Variants in CPD observed in about 807,000 individuals in gnomAD.
The protein encoded by CPD is metallocarboxypeptidase D.
CPD carries 69 observed loss-of-function variants against 138.3 expected under a neutral mutation model. The observed-to-expected ratio is 0.50, with a 90% confidence interval of 0.41 to 0.61. The LOEUF (loss-of-function observed/expected upper bound fraction) is 0.61. Among genes scored for constraint, CPD ranks in the 20% least tolerant of loss-of-function variants. CPD has a pLI of 0.00. For missense variants in CPD, 1,432 were observed against 1,733.3 expected (o/e 0.83, Z 3.09); for synonymous variants, 651 against 642.1 (o/e 1.01, Z -0.21).
At chr17:30,423,051 T>G in intron 5 of CPD, 28 bp downstream of exon 5, 1 of 1,508,250 alleles carries the variant, frequency 6.6e-7, no homozygotes. Flanking sequence ...ACACATAATT[T>G]CAGTAGTGCC....
intron 2 of CPD, among the ~76,000 whole-genome samples, chr17:30,401,194 TTGCTGC>T (rs541279857): frequency 6.6e-6 from 1 of 151,720 alleles, no homozygotes; most frequent in African/African-American, 2.4e-5. Flanking sequence ...GACTATTTTA[TTGCTGC>T]TGCTGCTGCT....
chr17:30,387,200 C>T (rs1242972209), intron 2 of CPD, among the ~76,000 whole-genome samples: 1 of 152,168 alleles, frequency 6.6e-6, no homozygotes, highest in Non-Finnish European at 1.5e-5. Flanking sequence ...TCACTGTAAC[C>T]TCCGCCTCCT....
intron 19 of CPD, 64 bp from the exon 20 acceptor site, chr17:30,462,306 T>C: frequency 7.6e-7 from 1 of 1,320,806 alleles, no homozygotes; most frequent in Non-Finnish European, 1.1e-6. Flanking sequence ...GGCCTAATAA[T>C]ATAGCAGGGA....
chr17:30,458,660 A>G (rs900323955), intron 17 of CPD, among the ~76,000 whole-genome samples: 26 of 152,058 alleles, frequency 1.7e-4, no homozygotes, highest in Non-Finnish European at 4.4e-5. Context: ...TGATGTCAGG[A>G]GTTCAAGACC....
At chr17:30,456,606 C>G in intron 17 of CPD, 80 bp downstream of exon 17, 1 of 1,396,698 alleles carries the variant, frequency 7.2e-7, no homozygotes, top group Non-Finnish European at 1.0e-6. Flanking sequence ...CTTTGGGAGG[C>G]CAAGGCAGGT....
chr17:30,450,680 G>A (rs1302888960), intron 13 of CPD, among the ~76,000 whole-genome samples: 2 of 152,146 alleles, frequency 1.3e-5, no homozygotes, highest in East Asian at 3.9e-4. Context: ...GCAGCAGAGT[G>A]ATACCTTGTC....
chr17:30,444,447 T>G (rs997968788), intron 11 of CPD, among the ~76,000 whole-genome samples: 5 of 152,026 alleles, frequency 3.3e-5, no homozygotes, highest in African/African-American at 1.2e-4. Flanking sequence ...GAAAGAACAT[T>G]TCTCGTTCTT....
At chr17:30,412,307 G>A (rs1911988218) in intron 2 of CPD, among the ~76,000 whole-genome samples, 1 of 152,206 alleles carries the variant, frequency 6.6e-6, no homozygotes, top group Non-Finnish European at 1.5e-5. Flanking sequence ...ACTGGGAGGT[G>A]TCTCCCAGTC....
At chr17:30,385,269 C>T (rs766232743) in intron 2 of CPD, 33 bp downstream of exon 2, 1 of 1,607,604 alleles carries the variant, frequency 6.2e-7, no homozygotes, top group Admixed American at 1.7e-5. Flanking sequence ...TACATTTTCC[C>T]CCTTGTTCGT....
intron 12 of CPD, among the ~76,000 whole-genome samples, chr17:30,447,194 T>C (rs1230112427): frequency 6.6e-6 from 1 of 152,246 alleles, no homozygotes; most frequent in Non-Finnish European, 1.5e-5. Context: ...ATCCCATTTG[T>C]CAATTTTGGC....
At chr17:30,432,146 G>A (rs937579557) in intron 8 of CPD, among the ~76,000 whole-genome samples, 2 of 152,120 alleles carry the variant, frequency 1.3e-5, no homozygotes, top group South Asian at 4.1e-4. Flanking sequence ...TGACAAATAA[G>A]TTATAAGCCC....
intron 2 of CPD, among the ~76,000 whole-genome samples, chr17:30,386,559 A>AT (rs1011594258): frequency 2.0e-5 from 3 of 152,148 alleles, no homozygotes; most frequent in Non-Finnish European, 2.9e-5. Flanking sequence ...CTTGTTCATC[A>AT]TCCCAAACAG....
chr17:30,400,733 C>A (rs993543506), intron 2 of CPD, among the ~76,000 whole-genome samples: 7 of 139,780 alleles, frequency 5.0e-5, no homozygotes, highest in African/African-American at 1.9e-4. Flanking sequence ...TCTCAGCTCA[C>A]CGCAAGCTTT....
rs376551142 is a variant in CPD at position 30,415,255 on chromosome 17, C to T, written c.995-5586C>T. ...CATTATCTTCTAATACATCTCCATGCTTCCCCATTTGTCCCCCTACAGTCA... is the reference window on the plus strand; with the variant it reads ...CATTATCTTCTAATACATCTCCATGTTTCCCCATTTGTCCCCCTACAGTCA... On this transcript the variant is annotated intron_variant, in intron 2 of 20. Coordinates refer to ENST00000225719, the MANE Select transcript of CPD (RefSeq NM_001304.5). Among the ~76,000 whole-genome samples, 75 of 152,308 alleles carry T rather than the reference C, an allele frequency of 4.9e-4. 1 individual carries two copies. The highest frequency in any genetic ancestry group is 1.6e-3 in the African/African-American group (67 of 41,570).
chr17:30,430,013 A>G (rs1912519640), intron 7 of CPD, among the ~76,000 whole-genome samples: 1 of 152,172 alleles, frequency 6.6e-6, no homozygotes, highest in Non-Finnish European at 1.5e-5. Context: ...AATAATTAAC[A>G]TGCTAAAGAG....
chr17:30,423,828 T>G, intron 6 of CPD, 131 bp downstream of exon 6: 1 of 652,386 alleles, frequency 1.5e-6, no homozygotes, highest in African/African-American at 1.9e-5. Context: ...ATGATTGATT[T>G]TAGCTCTTGT....
Position 30,416,128 on chromosome 17 carries a change from T to C in CPD, c.995-4713T>C, listed in dbSNP as rs368231913. 1.3e-3 allele frequency among the ~76,000 whole-genome samples: 191 copies of C among 152,102 alleles called. 6 individuals carry two copies. In the South Asian group the frequency reaches 0.038, roughly 30 times the overall value. ...CGGGCGGATCACCTGAGGTCAGGAGTTCGAGACCAGCCTCAACATGGGGAA... is the reference window on the plus strand; with the variant it reads ...CGGGCGGATCACCTGAGGTCAGGAGCTCGAGACCAGCCTCAACATGGGGAA... On this transcript the variant is annotated intron_variant, in intron 2 of 20. Transcript: ENST00000225719.
chr17:30,380,378 T>G (rs2143290530), intron 1 of CPD: 23 of 831,168 alleles, frequency 2.8e-5, no homozygotes, highest in Non-Finnish European at 3.5e-5. Flanking sequence ...TTTCTCCAAT[T>G]TTTACCTCTG....
At chr17:30,388,545 C>T (rs904475952) in intron 2 of CPD, among the ~76,000 whole-genome samples, 1 of 152,212 alleles carries the variant, frequency 6.6e-6, no homozygotes, top group African/African-American at 2.4e-5. Flanking sequence ...CAGCTCCAAC[C>T]CCAATCCCGG....
Sources: gnomAD v4.1 joint callset for allele counts (sites outside exome capture counted in the v4.1 genomes callset) on GRCh38, gnomAD v4.1.1 for gene constraint, MANE v1.5 for transcripts, NCBI Gene and HGNC (gene_info 2026-07-23, HGNC 2026-07-21) for gene names.